The following LIN54 variants were observed in gnomAD, a reference collection of about 807,000 sequenced individuals.
LIN54 encodes lin-54 DREAM MuvB core complex component, also known as protein lin-54 homolog.
Under a neutral mutation model 78.7 loss-of-function variants are expected in LIN54, and 9 were observed. That is an observed-to-expected ratio of 0.11 (90% confidence interval 0.07 to 0.20). LIN54 has a LOEUF of 0.20. Ranked by LOEUF, LIN54 falls within the 10% of genes least tolerant of loss-of-function variation. The probability of loss-of-function intolerance (pLI) is 1.00; values close to 1 mark genes in which losing one functional copy is unlikely to be tolerated. For synonymous variants in LIN54, 269 were observed against 318.4 expected (o/e 0.84, Z 1.65); for missense variants, 573 against 889.9 (o/e 0.64, Z 4.53).
At chr4:82,974,965 T>C (rs1235009959) in intron 3 of LIN54, among the ~76,000 whole-genome samples, 1 of 152,098 alleles carries the variant, frequency 6.6e-6, no homozygotes, top group Non-Finnish European at 1.5e-5. Flanking sequence ...GGCACAAGAT[T>C]TCAGTTTTGC....
At position 82,946,400 on chromosome 4, in the gene LIN54, C is replaced by G; in HGVS notation, c.1026G>C (p.Leu342=). The change falls in exon 5 of 13, where the codon CTG becomes CTC. Residue 342 remains leucine (L), a synonymous_variant. Coordinates refer to ENST00000340417, the MANE Select transcript of LIN54 (RefSeq NM_194282.4). ...TCTGCTGGACATTGGGAGCAGTTGC[C>G]AGAGGAATAATTGTCTTAAACTGTG... ...STSQFKTIIP[L]ATAPNVQQIQ... 1 of 1,614,100 alleles carries G rather than the reference C, an allele frequency of 6.2e-7. No homozygotes were observed. The highest frequency in any genetic ancestry group is 1.1e-5 in the South Asian group (1 of 91,082).
At chr4:82,947,235 A>ATTTTTTTTTTT (rs34511957) in intron 4 of LIN54, among the ~76,000 whole-genome samples, 650 of 44,284 alleles carry the variant, frequency 0.015, 61 homozygotes, top group Middle Eastern at 0.077. Flanking sequence ...ATATATATAT[A>ATTTTTTTTTTT]TTTTTTTTTT....
chr4:82,980,251 A>G (rs1726519368), intron 2 of LIN54, among the ~76,000 whole-genome samples: 1 of 152,138 alleles, frequency 6.6e-6, no homozygotes, highest in Admixed American at 6.5e-5. Context: ...GAAGAAATTT[A>G]CCTGGGATAA....
At chr4:82,970,196 T>G in intron 4 of LIN54, 131 bp downstream of exon 4, 1 of 790,734 alleles carries the variant, frequency 1.3e-6, no homozygotes. Flanking sequence ...ATTACTAAAT[T>G]AATCCAGTAT....
chr4:82,947,222 TATATATA>T (rs1560733225), intron 4 of LIN54, among the ~76,000 whole-genome samples: 4 of 17,034 alleles, frequency 2.3e-4, no homozygotes, highest in African/African-American at 7.1e-4. Flanking sequence ...TATATATATA[TATATATA>T]TATATATTTT....
At chr4:83,009,004 T>A (rs984407165) in intron 1 of LIN54, among the ~76,000 whole-genome samples, 2 of 152,334 alleles carry the variant, frequency 1.3e-5, no homozygotes, top group South Asian at 4.1e-4. Flanking sequence ...AAAACTGTAA[T>A]TTTAAAAAGA....
intron 1 of LIN54, among the ~76,000 whole-genome samples, chr4:83,008,944 TTAC>T (rs1002000952): frequency 6.6e-6 from 1 of 152,172 alleles, no homozygotes; most frequent in Non-Finnish European, 1.5e-5. Flanking sequence ...ATTCTTAGTC[TTAC>T]TACTGAGTCA....
intron 11 of LIN54, among the ~76,000 whole-genome samples, chr4:82,932,988 TTCTCTC>T (rs1722094582): frequency 6.6e-6 from 1 of 152,010 alleles, no homozygotes; most frequent in Non-Finnish European, 1.5e-5. Flanking sequence ...AAACTGTCCT[TTCTCTC>T]TATAGCACCT....
intron 3 of LIN54, among the ~76,000 whole-genome samples, chr4:82,972,520 T>C (rs529152727): frequency 6.6e-6 from 1 of 152,292 alleles, no homozygotes; most frequent in Non-Finnish European, 1.5e-5. Flanking sequence ...AAGTAACATG[T>C]TTGTCTATTC....
rs553628662 is a variant in LIN54 at position 82,969,925 on chromosome 4, T to G, written c.951+402A>C. 3.6e-5 allele frequency among the ~76,000 whole-genome samples: 5 copies of G among 138,970 alleles called. No homozygotes were observed. In the East Asian group the frequency reaches 1.1e-3, roughly 30 times the overall value. 91.2% of individuals were successfully genotyped at this position (138,970 alleles called of 152,430 possible). On this transcript the variant is annotated intron_variant, in intron 4 of 12. Transcript: ENST00000340417. Reference sequence around the variant, plus strand: ...GCAATTTCTACTACTCTGGGTCCTGTTACCAAGCAAAAGTTCAGATCTCCA... The same window carrying G: ...GCAATTTCTACTACTCTGGGTCCTGGTACCAAGCAAAAGTTCAGATCTCCA...
Position 83,001,965 on chromosome 4 carries a change from AGGAAGGAAGGAAGGG to A in LIN54, c.-33+8504_-33+8518del, listed in dbSNP as rs1560796674. On this transcript the variant is annotated intron_variant, in intron 1 of 12. Transcript: ENST00000340417. ...AAGGAAGGAAGGAAGGAAGGAAGGA[AGGAAGGAAGGAAGGG>A]AGGGATCTTGGAGAAATTCAAGAGC... 4.2e-5 allele frequency among the ~76,000 whole-genome samples: 2 copies of A among 47,216 alleles called. 1 individual carries two copies. The highest frequency in any genetic ancestry group is 1.3e-4 in the African/African-American group (2 of 15,062). The allele number at this position is 47,216 out of a possible 152,430, so 31.0% of individuals were successfully genotyped here.
rs2126022475 is a variant in LIN54, at chr4:82,926,931, A to C, written c.*1171T>G. On this transcript the variant is annotated 3_prime_UTR_variant, in exon 13 of 13. Transcript: ENST00000340417. ...GGGAGGCCGAGGCGGGCGAATCACG[A>C]GGTCAGGAGATCGAGACCATCCTGG... 1 of 152,342 alleles carries C rather than the reference A, an allele frequency of 6.6e-6. No homozygotes were observed. The highest frequency in any genetic ancestry group is 2.1e-4 in the South Asian group (1 of 4,824). 9.4% of individuals were successfully genotyped at this position (152,342 alleles called of 1,614,324 possible).
intron 4 of LIN54, among the ~76,000 whole-genome samples, chr4:82,960,020 GCAGT>G (rs1724659070): frequency 6.6e-6 from 1 of 152,082 alleles, no homozygotes; most frequent in Admixed American, 6.6e-5. Flanking sequence ...ATAATAATCT[GCAGT>G]CATTCATTTT....
intron 5 of LIN54, among the ~76,000 whole-genome samples, chr4:82,942,892 A>C (rs4693061): frequency 1.3e-4 from 18 of 142,472 alleles, no homozygotes; most frequent in East Asian, 1.2e-3. Context: ...ACACACACAC[A>C]CCCTCCCTCC....
At chr4:82,964,717 A>G (rs1325323865) in intron 4 of LIN54, among the ~76,000 whole-genome samples, 3 of 151,136 alleles carry the variant, frequency 2.0e-5, no homozygotes, top group Admixed American at 6.6e-5. Flanking sequence ...TGCTCAAAAA[A>G]AAAGAAAAAA....
intron 3 of LIN54, among the ~76,000 whole-genome samples, chr4:82,972,268 G>C (rs1255682538): frequency 3.3e-5 from 5 of 151,892 alleles, no homozygotes; most frequent in African/African-American, 1.2e-4. Flanking sequence ...ATGTTGCCCA[G>C]GCTGGCACAG....
intron 11 of LIN54, among the ~76,000 whole-genome samples, chr4:82,934,129 C>T (rs997335095): frequency 3.3e-5 from 5 of 152,016 alleles, no homozygotes; most frequent in African/African-American, 4.8e-5. Context: ...AATCAACTTG[C>T]GACGGTGGCT....
intron 2 of LIN54, among the ~76,000 whole-genome samples, chr4:82,982,509 T>C (rs1208735244): frequency 6.6e-6 from 1 of 152,150 alleles, no homozygotes; most frequent in Non-Finnish European, 1.5e-5. Context: ...GGCTTACAGG[T>C]TCGTGAGCCA....
Position 82,947,235 on chromosome 4 carries a change from A to ATATATATTTTTTTTT in LIN54, c.952-762_952-761insAAAAAAAAATATATA. Among the ~76,000 whole-genome samples the ATATATATTTTTTTTT allele has an allele frequency of 2.3e-3, 103 of 44,282 alleles. 2 individuals are homozygous for ATATATATTTTTTTTT. The highest frequency in any genetic ancestry group is 3.2e-3 in the Non-Finnish European group (86 of 27,274). The allele number at this position is 44,282 out of a possible 152,430, so 29.1% of individuals were successfully genotyped here. A position where few individuals can be genotyped will look rare whatever the true frequency, so the allele number is the denominator to read the frequency against. Reference sequence around the variant, plus strand: ...TATATATATATATATATATATATATATTTTTTTTTTTTTTGAAGACAGGGT... The same window carrying ATATATATTTTTTTTT: ...TATATATATATATATATATATATATATATATATTTTTTTTTTTTTTTTTTTTTTTGAAGACAGGGT... On this transcript the variant is annotated intron_variant, in intron 4 of 12. Transcript: ENST00000340417.
Sources: gnomAD v4.1 joint callset for allele counts (sites outside exome capture counted in the v4.1 genomes callset) on GRCh38, gnomAD v4.1.1 for gene constraint, MANE v1.5 for transcripts, NCBI Gene and HGNC (gene_info 2026-07-23, HGNC 2026-07-21) for gene names.